ATP2A3: variants seen among roughly 807,000 people sequenced by gnomAD.
ATP2A3 encodes the protein sarcoplasmic/endoplasmic reticulum calcium ATPase 3.
Under a neutral mutation model 106.8 loss-of-function variants are expected in ATP2A3, and 61 were observed. That is an observed-to-expected ratio of 0.57 (90% CI 0.46 to 0.71). The LOEUF (loss-of-function observed/expected upper bound fraction) is 0.71. Ranked by LOEUF, ATP2A3 falls within the 30% of genes least tolerant of loss-of-function variation. The probability of loss-of-function intolerance (pLI) is 0.00; values close to 1 mark genes in which losing one functional copy is unlikely to be tolerated. For synonymous variants in ATP2A3, 611 were observed against 609.3 expected (o/e 1.00, Z -0.04); for missense variants, 1,201 against 1,423.5 (o/e 0.84, Z 2.52).
chr17:3,953,240 G>T lies in ATP2A3; in HGVS notation c.219+107C>A. On this transcript the variant is annotated intron_variant, in intron 3 of 20. Transcript: ENST00000397041. The surrounding 1 kb of genome is among the most constrained non-coding windows in gnomAD (Gnocchi z 5.1). ...CAGGGAAGGCCAGGGCGCAGGCCCA[G>T]GGTGTGGAGGACAGGCCCAGGCTCC... 7.8e-7 allele frequency: 1 copy of T among 1,273,888 alleles called. No individual in the cohort carries two copies. The allele number at this position is 1,273,888 out of a possible 1,614,324, so 78.9% of individuals were successfully genotyped here. A position where few individuals can be genotyped will look rare whatever the true frequency, so the allele number is the denominator to read the frequency against.
Position 3,942,657 on chromosome 17 carries a change from G to A in ATP2A3, c.1494C>T (p.Cys498=), listed in dbSNP as rs1287867237. ...CAGTAGGGTGAGGGCGGGTGGGCGT[G>A]CAGTACACGGACATGGATTTCCGGT... is the stretch of plus-strand genomic sequence containing the variant. ...SRDRKSMSVY[C]TPTRPHPTGQ... Residue 498 remains cysteine, a synonymous_variant, in exon 12 of 21, where the codon TGC becomes TGT. Transcript: ENST00000397041. The A allele has an allele frequency of 1.9e-6, 3 of 1,613,424 alleles. No homozygotes were observed. The highest frequency in any genetic ancestry group is 1.3e-5 in the African/African-American group (1 of 74,908).
chr17:3,941,486 T>G lies in ATP2A3; in HGVS notation c.1714A>C (p.Arg572=). The change falls in exon 13 of 21, where the codon AGG becomes CGG. Residue 572 remains arginine, a synonymous_variant. Coordinates refer to ENST00000397041, the MANE Select transcript of ATP2A3 (RefSeq NM_005173.4). ...TCGTCCAGCTCCATGTCCTCCTTCC[T>G]TGGGGGCGCGTCCCGGGTGGCCAGT... ...LALATRDAPP[R]KEDMELDDCS... is the part of the protein sequence containing the mutation. 6.2e-7 allele frequency: 1 copy of G among 1,613,852 alleles called. No homozygotes were observed. The highest frequency in any genetic ancestry group is 1.7e-4 in the Middle Eastern group (1 of 6,052).
At position 3,924,451 on chromosome 17, in the gene ATP2A3, C is replaced by T. The variant is rs2052601273; in HGVS notation, c.*971G>A. ...GTGGGGAGGGGGCAAGGAGTGAGGC[C>T]AAGAGTCCAGGAAGCCCACCAGGCT... On this transcript the variant is annotated 3_prime_UTR_variant, in exon 21 of 21. Coordinates refer to ENST00000397041, the MANE Select transcript of ATP2A3 (RefSeq NM_005173.4). This position sits in a 1 kb window ranked among gnomAD's most constrained non-coding sequence, Gnocchi z 6.4. The T allele has an allele frequency of 3.9e-6, 1 of 256,846 alleles. No individual in the cohort carries two copies. Among genetic ancestry groups the T allele is most frequent in the Non-Finnish European group, 7.9e-6 (1 of 127,192 alleles). 15.9% of individuals were successfully genotyped at this position (256,846 alleles called of 1,614,324 possible).
At chr17:3,935,299 G>C (rs369762611) in intron 16 of ATP2A3, 22 bp from the exon 17 acceptor site, 1 of 1,608,152 alleles carries the variant, frequency 6.2e-7, no homozygotes, top group Admixed American at 1.7e-5. Flanking sequence ...GGAGGAGACC[G>C]GCTGTAGAGA....
intron 12 of ATP2A3, among the ~76,000 whole-genome samples, chr17:3,941,903 C>T (rs1019965004): frequency 3.3e-5 from 5 of 152,184 alleles, no homozygotes; most frequent in African/African-American, 1.2e-4. Flanking sequence ...TAGCGATGCC[C>T]TTCCCCCACC....
chr17:3,928,165 G>A lies in ATP2A3; in HGVS notation c.2980+498C>T. 1.2e-6 allele frequency: 2 copies of A among 1,604,224 alleles called. No individual in the cohort carries two copies. The highest frequency in any genetic ancestry group is 2.2e-5 in the South Asian group (2 of 90,808). On this transcript the variant is annotated intron_variant, in intron 20 of 20. Transcript: ENST00000397041. This position sits in a 1 kb window ranked among gnomAD's most constrained non-coding sequence, Gnocchi z 6.1. Reference sequence around the variant, plus strand: ...CCTGTCCTCTCCACTCCGGGGTTAAGGCAGACCCAGAGCTGTGAGCTCAGA... The same window carrying A: ...CCTGTCCTCTCCACTCCGGGGTTAAAGCAGACCCAGAGCTGTGAGCTCAGA...
chr17:3,951,603 T>C lies in ATP2A3; in HGVS notation c.302A>G (p.Asn101Ser), dbSNP rs1396985733. The C allele has an allele frequency of 7.1e-7, 1 of 1,417,708 alleles. No individual in the cohort carries two copies. Among genetic ancestry groups the C allele is most frequent in the South Asian group, 1.1e-5 (1 of 87,492 alleles). 87.8% of individuals were successfully genotyped at this position (1,417,708 alleles called of 1,614,324 possible). ...PLVIMLILVA[N>S]AIVGVWQERN... is the part of the protein sequence containing the mutation. Reference sequence around the variant, plus strand: ...CACCTGCCACACGCCCACAATGGCGTTGGCCACGAGGATCAGCATGATGAC... The same window carrying C: ...CACCTGCCACACGCCCACAATGGCGCTGGCCACGAGGATCAGCATGATGAC... The change falls in exon 4 of 21, where the codon AAC becomes AGC. Residue 101 changes from asparagine (N) to serine (S), a missense_variant. Asn to Ser is a conservative substitution (Grantham distance 46). Around this residue, in one of 2 missense-constraint regions of ATP2A3, gnomAD observed 266 missense variants for 246.8 expected, o/e 1.08. Coordinates refer to ENST00000397041, the MANE Select transcript of ATP2A3 (RefSeq NM_005173.4).
rs949145558 is a variant in ATP2A3 at position 3,924,991 on chromosome 17, A to C, written c.*431T>G. 72 of 386,884 alleles carry C rather than the reference A, an allele frequency of 1.9e-4. No individual in the cohort carries two copies. Among genetic ancestry groups the C allele is most frequent in the Non-Finnish European group, 3.2e-4 (64 of 198,540 alleles). 24.0% of individuals were successfully genotyped at this position (386,884 alleles called of 1,614,324 possible). On this transcript the variant is annotated 3_prime_UTR_variant, in exon 21 of 21. Coordinates refer to ENST00000397041, the MANE Select transcript of ATP2A3 (RefSeq NM_005173.4). This position sits in a 1 kb window ranked among gnomAD's most constrained non-coding sequence, Gnocchi z 6.4. ...GTCAGAGCCGGTAAGAAGGACCCCC[A>C]GAGTCCTCCGTCAGTGCAGAGGCAC... is the stretch of plus-strand genomic sequence containing the variant.
At position 3,955,318 on chromosome 17, in the gene ATP2A3, T is replaced by C. The variant is rs2054710964; in HGVS notation, c.119-1608A>G. On this transcript the variant is annotated intron_variant, in intron 1 of 20. Coordinates refer to ENST00000397041, the MANE Select transcript of ATP2A3 (RefSeq NM_005173.4). The surrounding 1 kb of genome is among the most constrained non-coding windows in gnomAD (Gnocchi z 4.2). Reference sequence around the variant, plus strand: ...TCCCCGGACCACCTGTTTGGAAGCTTTGGGGTCTGCACCTGGCAGCTGAAC... The same window carrying C: ...TCCCCGGACCACCTGTTTGGAAGCTCTGGGGTCTGCACCTGGCAGCTGAAC... Among the ~76,000 whole-genome samples, 1 of 152,170 alleles carries C rather than the reference T, an allele frequency of 6.6e-6. No individual in the cohort carries two copies. The highest frequency in any genetic ancestry group is 6.5e-5 in the Admixed American group (1 of 15,282).
At chr17:3,940,031 CTTTTTTTTTTTGTTTTTTGTTTTTT>C (rs1394914490) in intron 14 of ATP2A3, among the ~76,000 whole-genome samples, 2 of 96,546 alleles carry the variant, frequency 2.1e-5, no homozygotes, top group Non-Finnish European at 4.0e-5. Context: ...TGTGTCATAT[CTTTTTTTTTTTGTTTTTTGTTTTTT>C]TTTTTTTTGG....
In ATP2A3 at chr17:3,928,622, C is replaced by A. The variant is rs201433967; in HGVS notation, c.2980+41G>T. The A allele has an allele frequency of 6.7e-6, 10 of 1,497,370 alleles. No individual in the cohort carries two copies. Among genetic ancestry groups the A allele is most frequent in the Non-Finnish European group, 8.2e-6 (9 of 1,099,200 alleles). The allele number at this position is 1,497,370 out of a possible 1,614,324, so 92.8% of individuals were successfully genotyped here. The stretch of plus-strand genomic sequence containing the variant: ...ACTGCAGCCCAGGAGCAGAGGCGGG[C>A]GGGGAGGCAGGCTGGAGGCGGGACG... On this transcript the variant is annotated intron_variant, in intron 20 of 20. Coordinates refer to ENST00000397041, the MANE Select transcript of ATP2A3 (RefSeq NM_005173.4). The surrounding 1 kb of genome is among the most constrained non-coding windows in gnomAD (Gnocchi z 6.1).
chr17:3,953,848 G>A lies in ATP2A3; in HGVS notation c.119-138C>T. 1 of 912,424 alleles carries A rather than the reference G, an allele frequency of 1.1e-6. No homozygotes were observed. Among genetic ancestry groups the A allele is most frequent in the Non-Finnish European group, 1.8e-6 (1 of 567,992 alleles). 56.5% of individuals were successfully genotyped at this position (912,424 alleles called of 1,614,324 possible). A position where few individuals can be genotyped will look rare whatever the true frequency, so the allele number is the denominator to read the frequency against. On this transcript the variant is annotated intron_variant, in intron 1 of 20. Coordinates refer to ENST00000397041, the MANE Select transcript of ATP2A3 (RefSeq NM_005173.4). This position sits in a 1 kb window ranked among gnomAD's most constrained non-coding sequence, Gnocchi z 5.1. ...ACCACGGACTGGATGTATCCCCAGG[G>A]CTCTCTGAGGCCACAGGATAAATGG...
chr17:3,940,050 GTTTTT>G (rs58490329), intron 14 of ATP2A3, among the ~76,000 whole-genome samples: 1 of 96,806 alleles, frequency 1.0e-5, no homozygotes, highest in Non-Finnish European at 2.0e-5. Flanking sequence ...TTTGTTTTTT[GTTTTT>G]TTTTTTTTTG....
rs1402327507 is a variant in ATP2A3 at position 3,947,385 on chromosome 17, A to G, written c.1095+6T>C. 6.2e-7 allele frequency: 1 copy of G among 1,613,564 alleles called. No individual in the cohort carries two copies. The highest frequency in any genetic ancestry group is 8.5e-7 in the Non-Finnish European group (1 of 1,180,024). The stretch of plus-strand genomic sequence containing the variant: ...GCACAGCAACACCAAGCTGGCCGTC[A>G]CTCACCCGGCAGACAGACATCTGAT... On this transcript the variant is annotated splice_donor_region_variant and intron_variant, in intron 8 of 20. Coordinates refer to ENST00000397041, the MANE Select transcript of ATP2A3 (RefSeq NM_005173.4). The surrounding 1 kb of genome is among the most constrained non-coding windows in gnomAD (Gnocchi z 7.7).
chr17:3,931,198 C>G (rs2053060374), intron 17 of ATP2A3, among the ~76,000 whole-genome samples: 1 of 151,938 alleles, frequency 6.6e-6, no homozygotes, highest in Non-Finnish European at 1.5e-5. Context: ...GCCACTGAAA[C>G]TGAACTCTAT....
chr17:3,962,199 G>A (rs1239539664), intron 1 of ATP2A3, among the ~76,000 whole-genome samples: 2 of 152,198 alleles, frequency 1.3e-5, no homozygotes, highest in Non-Finnish European at 2.9e-5. Flanking sequence ...ACTTGTGACT[G>A]TCTTGTACAG....
rs200098007 is a variant in ATP2A3 at position 3,930,465 on chromosome 17, G to C, written c.2611-31C>G. 63 of 1,612,240 alleles carry C rather than the reference G, an allele frequency of 3.9e-5. No individual in the cohort carries two copies. The highest frequency in any genetic ancestry group is 1.6e-4 in the Middle Eastern group (1 of 6,082). On this transcript the variant is annotated intron_variant, in intron 17 of 20. Transcript: ENST00000397041. The surrounding 1 kb of genome is among the most constrained non-coding windows in gnomAD (Gnocchi z 5.4). ...GGCACCGTGGCAGGTCAGAGAGAGC[G>C]GCAGGTCAGGCGAGGGGCTGGTGGG...
At chr17:3,933,266 G>A (rs913239601) in intron 17 of ATP2A3, among the ~76,000 whole-genome samples, 3 of 150,320 alleles carry the variant, frequency 2.0e-5, no homozygotes, top group African/African-American at 7.5e-5. Flanking sequence ...GGGTGACAGA[G>A]CGAGACTCTG....
Position 3,936,318 on chromosome 17 carries a change from G to T in ATP2A3, c.2473C>A (p.Arg825=). The T allele has an allele frequency of 1.2e-6, 2 of 1,614,076 alleles. No individual in the cohort carries two copies. The highest frequency in any genetic ancestry group is 1.7e-6 in the Non-Finnish European group (2 of 1,180,010). The part of the protein sequence containing the change: ...DIMEKLPRSP[R]EALISGWLFF... The stretch of plus-strand genomic sequence containing the variant: ...AGCCAGCCACTGATGAGGGCTTCTC[G>T]GGGGCTCCGGGGCAGCTTCTCCATG... The change falls in exon 16 of 21, where the codon CGA becomes AGA. Residue 825 remains arginine, a synonymous_variant. Coordinates refer to ENST00000397041, the MANE Select transcript of ATP2A3 (RefSeq NM_005173.4). This position sits in a 1 kb window ranked among gnomAD's most constrained non-coding sequence, Gnocchi z 5.4.
Sources: allele counts gnomAD v4.1 joint callset (sites outside exome capture counted in the v4.1 genomes callset), GRCh38; gene constraint gnomAD v4.1.1; regional missense constraint gnomAD v4.1.1; non-coding constraint Gnocchi (gnomAD v3.1); transcripts MANE v1.5; gene names NCBI Gene and HGNC (gene_info 2026-07-23, HGNC 2026-07-21).